PPP1R10: variants seen among roughly 807,000 people sequenced by gnomAD.
The protein encoded by PPP1R10 is serine/threonine-protein phosphatase 1 regulatory subunit 10.
A neutral mutation model predicts 99.0 loss-of-function variants in PPP1R10; 15 were observed. That is an observed-to-expected ratio of 0.15 (90% CI 0.10 to 0.23). The LOEUF (loss-of-function observed/expected upper bound fraction) is 0.23. Among genes scored for constraint, PPP1R10 ranks in the 10% least tolerant of loss-of-function variants. The probability of loss-of-function intolerance (pLI) is 1.00; values close to 1 mark genes in which losing one functional copy is unlikely to be tolerated. For missense variants in PPP1R10, 947 were observed against 1,259.4 expected, an observed-to-expected ratio of 0.75 and a Z score of 3.75; for synonymous variants, 430 against 449.5, an observed-to-expected ratio of 0.96 and a Z score of 0.55.
intron 5 of PPP1R10, 43 bp downstream of exon 5, chr6:30,608,736 T>C: frequency 6.2e-7 from 1 of 1,600,886 alleles, no homozygotes; most frequent in Non-Finnish European, 8.5e-7. Flanking sequence ...TCCATTAGAC[T>C]AAACCAAAAA....
intron 16 of PPP1R10, 77 bp downstream of exon 16, chr6:30,603,395 G>C: frequency 1.3e-6 from 2 of 1,585,990 alleles, no homozygotes; most frequent in East Asian, 4.5e-5. Flanking sequence ...ACTGGGGTAA[G>C]GCGAATGGGA....
At chr6:30,608,301 CTTTTTTTTT>C (rs1190279084) in intron 5 of PPP1R10, among the ~76,000 whole-genome samples, 1 of 111,740 alleles carries the variant, frequency 8.9e-6, no homozygotes, top group East Asian at 2.5e-4. Context: ...TGACACATTC[CTTTTTTTTT>C]TTTTTTTTTG....
rs1483082072 is a variant in PPP1R10, at chr6:30,604,665, G to A, written c.1025C>T (p.Pro342Leu). 2 of 1,613,048 alleles carry A rather than the reference G, an allele frequency of 1.2e-6. No homozygotes were observed. The highest frequency in any genetic ancestry group is 1.3e-5 in the African/African-American group (1 of 74,926). Residue 342 changes from proline to leucine, a missense_variant, in exon 12 of 20, where the codon CCA becomes CTA. Physicochemically the swap from Pro to Leu is moderately conservative, Grantham distance 98. Transcript: ENST00000376511. The surrounding 1 kb of genome is among the most constrained non-coding windows in gnomAD (Gnocchi z 7.3). ...GTCTGCGTCCATTGCCTCAGAAGGTGGTGCTGGTTCTGGGGAAGAAGGTTT... is the reference window on the plus strand; with the variant it reads ...GTCTGCGTCCATTGCCTCAGAAGGTAGTGCTGGTTCTGGGGAAGAAGGTTT... ...TAKPSSPEPA[P>L]PSEAMDADRP...
In PPP1R10 at chr6:30,606,694, G is replaced by C; in HGVS notation, c.461-53C>G. On this transcript the variant is annotated intron_variant, in intron 7 of 19. Coordinates refer to ENST00000376511, the MANE Select transcript of PPP1R10 (RefSeq NM_002714.4). This position sits in a 1 kb window ranked among gnomAD's most constrained non-coding sequence, Gnocchi z 6.3. ...GATTTTATTTAGATGAACACTGTCA[G>C]AGGTGAAGCAGACTGGGAGCACCTA... 1 of 1,612,894 alleles carries C rather than the reference G, an allele frequency of 6.2e-7. No homozygotes were observed. The highest frequency in any genetic ancestry group is 2.2e-5 in the East Asian group (1 of 44,888).
chr6:30,602,816 G>A lies in PPP1R10; in HGVS notation c.1957+30C>T, dbSNP rs548492324. ...TATCAGACTGAAATTAAGCAGATAA[G>A]CCCATTCCAACCTTTTACTCACCAC... On this transcript the variant is annotated intron_variant, in intron 18 of 19. Coordinates refer to ENST00000376511, the MANE Select transcript of PPP1R10 (RefSeq NM_002714.4). The surrounding 1 kb of genome is among the most constrained non-coding windows in gnomAD (Gnocchi z 6.7). 9.1e-6 allele frequency: 14 copies of A among 1,545,834 alleles called. No homozygotes were observed. The highest frequency in any genetic ancestry group is 2.4e-5 in the East Asian group (1 of 41,362).
rs548534416 is a variant in PPP1R10 at position 30,603,375 on chromosome 6, G to A, written c.1768-90C>T. 7 of 1,574,464 alleles carry A rather than the reference G, an allele frequency of 4.4e-6. No homozygotes were observed. In the African/African-American group the frequency reaches 8.1e-5, roughly 18 times the overall value. On this transcript the variant is annotated intron_variant, in intron 16 of 19. Transcript: ENST00000376511. The stretch of plus-strand genomic sequence containing the variant: ...GCCAAAGATTAGGGGTAAGTGGGTA[G>A]ATGTGGAGAACTGGGGTAAGGCGAA...
intron 6 of PPP1R10, 94 bp downstream of exon 6, chr6:30,607,746 G>A (rs988889905): frequency 3.4e-5 from 47 of 1,384,050 alleles, no homozygotes; most frequent in Non-Finnish European, 4.4e-5. Context: ...AAAGAGAAAA[G>A]TGAAGGGACA....
rs1582652739 is a variant in PPP1R10 at position 30,606,332 on chromosome 6, G to C, written c.635-89C>G. On this transcript the variant is annotated intron_variant, in intron 8 of 19. Transcript: ENST00000376511. This position sits in a 1 kb window ranked among gnomAD's most constrained non-coding sequence, Gnocchi z 6.3. ...GTTCTCACCCGCAAATGTTCTTCTA[G>C]CCTTGTAACCAAAGCTTCCTCTGCT... 6 of 1,566,644 alleles carry C rather than the reference G, an allele frequency of 3.8e-6. No homozygotes were observed. The East Asian group carries it at 1.3e-4, about 35-fold the overall frequency.
Position 30,600,697 on chromosome 6 carries a change from G to A in PPP1R10, c.*852C>T, listed in dbSNP as rs1207563541. On this transcript the variant is annotated 3_prime_UTR_variant, in exon 20 of 20. Coordinates refer to ENST00000376511, the MANE Select transcript of PPP1R10 (RefSeq NM_002714.4). ...CACGCTGGCAAGGTTCCAGGTGGGA[G>A]CAGGGAGTGAGCTGACTCCCAAAGG... 1 of 152,592 alleles carries A rather than the reference G, an allele frequency of 6.6e-6. No homozygotes were observed. Among genetic ancestry groups the A allele is most frequent in the African/African-American group, 2.4e-5 (1 of 41,450 alleles). 9.5% of individuals were successfully genotyped at this position (152,592 alleles called of 1,614,324 possible). A position where few individuals can be genotyped will look rare whatever the true frequency, so the allele number is the denominator to read the frequency against.
Position 30,609,768 on chromosome 6 carries a change from C to CA in PPP1R10, c.107+69dup. 1 of 1,347,356 alleles carries CA rather than the reference C, an allele frequency of 7.4e-7. No homozygotes were observed. The highest frequency in any genetic ancestry group is 1.7e-5 in the Admixed American group (1 of 59,380). The allele number at this position is 1,347,356 out of a possible 1,614,324, so 83.5% of individuals were successfully genotyped here. A position where few individuals can be genotyped will look rare whatever the true frequency, so the allele number is the denominator to read the frequency against. On this transcript the variant is annotated intron_variant, in intron 3 of 19. Coordinates refer to ENST00000376511, the MANE Select transcript of PPP1R10 (RefSeq NM_002714.4). This position sits in a 1 kb window ranked among gnomAD's most constrained non-coding sequence, Gnocchi z 4.5. Reference sequence around the variant, plus strand: ...TTTCCAGGATCATTCCAGTGTGCCTCAACTGCAGCCATGTTTTAACACACA... The same window carrying CA: ...TTTCCAGGATCATTCCAGTGTGCCTCAAACTGCAGCCATGTTTTAACACACA...
intron 2 of PPP1R10, among the ~76,000 whole-genome samples, chr6:30,612,850 A>G (rs909212365): frequency 1.3e-5 from 2 of 152,240 alleles, no homozygotes; most frequent in African/African-American, 2.4e-5. Context: ...TGATGAAGGC[A>G]GGCAGGGGCC....
In PPP1R10 at chr6:30,603,862, G is replaced by A; in HGVS notation, c.1509-19C>T. 1 of 1,528,418 alleles carries A rather than the reference G, an allele frequency of 6.5e-7. No individual in the cohort carries two copies. The highest frequency in any genetic ancestry group is 8.8e-7 in the Non-Finnish European group (1 of 1,140,984). 94.7% of individuals were successfully genotyped at this position (1,528,418 alleles called of 1,614,324 possible). A position where few individuals can be genotyped will look rare whatever the true frequency, so the allele number is the denominator to read the frequency against. ...ATGAGGACTATCAGGAACAACACAG[G>A]TGAGAGAAAAAAGAATGATAGTCAA... is the stretch of plus-strand genomic sequence containing the variant. On this transcript the variant is annotated intron_variant, in intron 14 of 19. Coordinates refer to ENST00000376511, the MANE Select transcript of PPP1R10 (RefSeq NM_002714.4).
rs1043614350 is a variant in PPP1R10, at chr6:30,604,042, C to T, written c.1474G>A (p.Gly492Arg). The change falls in exon 14 of 20, where the codon GGA becomes AGA. Residue 492 changes from glycine to arginine, a missense_variant. Transcript: ENST00000376511. This position sits in a 1 kb window ranked among gnomAD's most constrained non-coding sequence, Gnocchi z 7.3. ...ERYIQAEREK[G>R]ILQELFLNKE... Reference sequence around the variant, plus strand: ...TTCAGGAAGAGCTCCTGAAGGATTCCCTTCTCCCGCTCAGCCTGGATATAT... The same window carrying T: ...TTCAGGAAGAGCTCCTGAAGGATTCTCTTCTCCCGCTCAGCCTGGATATAT... 6.2e-7 allele frequency: 1 copy of T among 1,610,138 alleles called. No individual in the cohort carries two copies. The highest frequency in any genetic ancestry group is 1.3e-5 in the African/African-American group (1 of 74,912).
intron 2 of PPP1R10, among the ~76,000 whole-genome samples, chr6:30,611,387 T>C (rs1010922485): frequency 6.6e-6 from 1 of 152,172 alleles, no homozygotes; most frequent in Non-Finnish European, 1.5e-5. Flanking sequence ...AGGCCCACAC[T>C]GAGTAGCAAG....
chr6:30,607,669 C>T (rs1804091264), intron 6 of PPP1R10, among the ~76,000 whole-genome samples, 171 bp downstream of exon 6: 1 of 151,740 alleles, frequency 6.6e-6, no homozygotes, highest in African/African-American at 2.4e-5. Flanking sequence ...GAATTGAGAA[C>T]AGGAAAGAGG....
At chr6:30,603,338 G>A in intron 16 of PPP1R10, 53 bp from the exon 17 acceptor site, 1 of 1,583,368 alleles carries the variant, frequency 6.3e-7, no homozygotes, top group Non-Finnish European at 8.7e-7. Flanking sequence ...AACAACCATG[G>A]CGAAAGATAG....
rs555578418 is a variant in PPP1R10, at chr6:30,605,717, G to A, written c.853+206C>T. 753 of 558,250 alleles carry A rather than the reference G, an allele frequency of 1.3e-3. 5 individuals are homozygous for A. Among genetic ancestry groups the A allele is most frequent in the African/African-American group, 0.013 (708 of 52,552 alleles). The allele number at this position is 558,250 out of a possible 1,614,324, so 34.6% of individuals were successfully genotyped here. A position where few individuals can be genotyped will look rare whatever the true frequency, so the allele number is the denominator to read the frequency against. ...CTACTAAAAATACAAAAAATTAGCC[G>A]GGCGTGGTGGCGGGCACCAGTAGTC... On this transcript the variant is annotated intron_variant, in intron 10 of 19. Transcript: ENST00000376511.
rs774445380 is a variant in PPP1R10, at chr6:30,607,834, C to T, written c.382+6G>A. The T allele has an allele frequency of 3.7e-6, 6 of 1,612,570 alleles. No homozygotes were observed. Among genetic ancestry groups the T allele is most frequent in the South Asian group, 1.1e-5 (1 of 91,072 alleles). ...AGCCCATGAGAGAGCAGAAGTGGCA[C>T]CCTACCTTCATCCTCACTTGACTTG... On this transcript the variant is annotated splice_donor_region_variant and intron_variant, in intron 6 of 19. Coordinates refer to ENST00000376511, the MANE Select transcript of PPP1R10 (RefSeq NM_002714.4).
At position 30,606,696 on chromosome 6, in the gene PPP1R10, G is replaced by C. The variant is rs770115723; in HGVS notation, c.461-55C>G. 1.9e-6 allele frequency: 3 copies of C among 1,612,652 alleles called. No individual in the cohort carries two copies. The highest frequency in any genetic ancestry group is 2.5e-6 in the Non-Finnish European group (3 of 1,178,684). On this transcript the variant is annotated intron_variant, in intron 7 of 19. Transcript: ENST00000376511. The surrounding 1 kb of genome is among the most constrained non-coding windows in gnomAD (Gnocchi z 6.3). ...TTTTATTTAGATGAACACTGTCAGA[G>C]GTGAAGCAGACTGGGAGCACCTAAA...
Sources: gnomAD v4.1 joint callset for allele counts (sites outside exome capture counted in the v4.1 genomes callset) on GRCh38, gnomAD v4.1.1 for gene constraint, Gnocchi (gnomAD v3.1) non-coding constraint, MANE v1.5 for transcripts, NCBI Gene and HGNC (gene_info 2026-07-23, HGNC 2026-07-21) for gene names.